Variants in TMEM245 observed in about 807,000 individuals in gnomAD.
TMEM245 encodes the protein protein CG-2.
Under a neutral mutation model 101.2 loss-of-function variants are expected in TMEM245, and 69 were observed. That is an observed-to-expected ratio of 0.68 (90% CI 0.56 to 0.83). TMEM245 has a LOEUF of 0.83. Ranked by LOEUF, TMEM245 falls within the 40% of genes least tolerant of loss-of-function variation. TMEM245 has a pLI of 0.00. For synonymous variants in TMEM245, 537 were observed against 449.8 expected (o/e 1.19, Z -2.45); for missense variants, 1,075 against 1,092.8 (o/e 0.98, Z 0.23).
intron 5 of TMEM245, among the ~76,000 whole-genome samples, chr9:109,089,641 G>A (rs1165267413): frequency 6.6e-6 from 1 of 152,100 alleles, no homozygotes; most frequent in Non-Finnish European, 1.5e-5. Flanking sequence ...GAAAATATTA[G>A]GTAAAAGATG....
rs143436401 is a variant in TMEM245, at chr9:109,073,743, T to C, written c.1450-305A>G. On this transcript the variant is annotated intron_variant, in intron 8 of 17. Transcript: ENST00000374586. ...CATACATTTCATTTGCATGAATATA[T>C]CGTATAAATGTGTTTGTGTATCTAT... is the stretch of plus-strand genomic sequence containing the variant. 7.5e-4 allele frequency among the ~76,000 whole-genome samples: 115 copies of C among 152,358 alleles called. 1 individual carries two copies. The highest frequency in any genetic ancestry group is 2.5e-3 in the African/African-American group (104 of 41,582).
At chr9:109,099,009 G>A (rs557417068) in intron 3 of TMEM245, among the ~76,000 whole-genome samples, 1 of 152,322 alleles carries the variant, frequency 6.6e-6, no homozygotes, top group South Asian at 2.1e-4. Context: ...TAAATAAGGA[G>A]ATACTTCTTG....
chr9:109,088,092 T>G (rs1829892816), intron 5 of TMEM245, among the ~76,000 whole-genome samples: 1 of 152,204 alleles, frequency 6.6e-6, no homozygotes, highest in Admixed American at 6.5e-5. Context: ...CAGAAAGAAG[T>G]GTTACTCAAC....
chr9:109,070,346 C>T (rs1244487756), intron 9 of TMEM245, among the ~76,000 whole-genome samples: 1 of 152,204 alleles, frequency 6.6e-6, no homozygotes, highest in East Asian at 1.9e-4. Flanking sequence ...AGTTTCCCTA[C>T]CAAATCTGCT....
intron 12 of TMEM245, among the ~76,000 whole-genome samples, chr9:109,055,287 A>G (rs1007929910): frequency 3.3e-5 from 5 of 152,222 alleles, no homozygotes; most frequent in African/African-American, 1.2e-4. Context: ...TAGATGATAC[A>G]CTATTTTGTG....
chr9:109,060,816 A>T lies in TMEM245; in HGVS notation c.1624-364T>A, dbSNP rs79325918. On this transcript the variant is annotated intron_variant, in intron 10 of 17. Coordinates refer to ENST00000374586, the MANE Select transcript of TMEM245 (RefSeq NM_032012.4). ...CCATTATACATATGTCTCATGTTAC[A>T]TTTATCTCTATTATTAAGAATTACC... Among the ~76,000 whole-genome samples the T allele has an allele frequency of 5.9e-5, 9 of 152,290 alleles. No individual in the cohort carries two copies. In the East Asian group the frequency reaches 1.7e-3, roughly 29 times the overall value.
chr9:109,081,329 CACG>C (rs1468726145), intron 7 of TMEM245, among the ~76,000 whole-genome samples: 1 of 152,078 alleles, frequency 6.6e-6, no homozygotes, highest in Admixed American at 6.6e-5. Flanking sequence ...AACAAATACA[CACG>C]ACTTTAGCAA....
chr9:109,073,860 T>G (rs981534821), intron 8 of TMEM245, among the ~76,000 whole-genome samples: 3 of 148,100 alleles, frequency 2.0e-5, no homozygotes, highest in African/African-American at 5.0e-5. Flanking sequence ...TTTTTTGTTT[T>G]TTTTTTTTTT....
chr9:109,114,511 C>T (rs921116374), intron 1 of TMEM245, among the ~76,000 whole-genome samples: 17 of 152,140 alleles, frequency 1.1e-4, no homozygotes, highest in Non-Finnish European at 2.4e-4. Context: ...CCTGGTCTGC[C>T]CAAGGTCACA....
At chr9:109,039,237 C>G (rs533501744) in intron 14 of TMEM245, 1 of 152,006 alleles carries the variant, frequency 6.6e-6, no homozygotes, top group African/African-American at 2.4e-5. Context: ...CTTTGTCATC[C>G]GGACCAATGG....
chr9:109,044,500 T>C (rs1414460487), intron 14 of TMEM245, among the ~76,000 whole-genome samples: 1 of 152,162 alleles, frequency 6.6e-6, no homozygotes, highest in Non-Finnish European at 1.5e-5. Flanking sequence ...CCCTCTTTTC[T>C]AAAGGACTGT....
chr9:109,074,875 T>C (rs980223776), intron 8 of TMEM245, among the ~76,000 whole-genome samples: 2 of 151,742 alleles, frequency 1.3e-5, no homozygotes, highest in African/African-American at 4.9e-5. Flanking sequence ...GAAAACAAAC[T>C]GATTTCAGAC....
At chr9:109,020,635 CAA>C in intron 17 of TMEM245, 130 bp from the exon 18 acceptor site, 1 of 803,564 alleles carries the variant, frequency 1.2e-6, no homozygotes, top group Non-Finnish European at 2.0e-6. Context: ...AGTATTGTTT[CAA>C]AGTCTGCTAG....
At chr9:109,070,241 A>G (rs538211246) in intron 9 of TMEM245, among the ~76,000 whole-genome samples, 19 of 151,996 alleles carry the variant, frequency 1.3e-4, no homozygotes, top group Non-Finnish European at 2.8e-4. Context: ...ACTTCACCCC[A>G]TCTCTCCTGA....
intron 3 of TMEM245, among the ~76,000 whole-genome samples, chr9:109,099,111 C>T (rs1408855222): frequency 6.6e-6 from 1 of 152,202 alleles, no homozygotes; most frequent in African/African-American, 2.4e-5. Flanking sequence ...TACCAAATAA[C>T]ACCTCCCCAG....
intron 3 of TMEM245, among the ~76,000 whole-genome samples, chr9:109,102,101 T>C (rs1830296429): frequency 1.3e-5 from 2 of 152,110 alleles, no homozygotes; most frequent in Non-Finnish European, 2.9e-5. Flanking sequence ...GAGATAAAAC[T>C]AACCAGAAAA....
chr9:109,033,021 A>C (rs913359891), intron 17 of TMEM245, among the ~76,000 whole-genome samples: 4 of 151,304 alleles, frequency 2.6e-5, no homozygotes, highest in Non-Finnish European at 4.4e-5. Context: ...CTGGGCTCGA[A>C]CTCCTGACCT....
chr9:109,116,316 A>G (rs965896765), intron 1 of TMEM245, among the ~76,000 whole-genome samples: 1 of 152,196 alleles, frequency 6.6e-6, no homozygotes, highest in Non-Finnish European at 1.5e-5. Context: ...AAAGGTCCAG[A>G]GTGGGCCTCC....
At chr9:109,060,695 G>A (rs1238577739) in intron 10 of TMEM245, among the ~76,000 whole-genome samples, 1 of 151,974 alleles carries the variant, frequency 6.6e-6, no homozygotes, top group Non-Finnish European at 1.5e-5. Flanking sequence ...GCTACCTCAC[G>A]CTATCAGAGA....
Sources: gnomAD v4.1 joint callset for allele counts (sites outside exome capture counted in the v4.1 genomes callset) on GRCh38, gnomAD v4.1.1 for gene constraint, MANE v1.5 for transcripts, NCBI Gene and HGNC (gene_info 2026-07-23, HGNC 2026-07-21) for gene names.